ARID1B: variants seen among roughly 807,000 people sequenced by gnomAD.
ARID1B encodes AT-rich interactive domain-containing protein 1B.
A neutral mutation model predicts 212.3 loss-of-function variants in ARID1B; 30 were observed. The observed-to-expected ratio is 0.14, with a 90% CI of 0.11 to 0.19. ARID1B has a LOEUF of 0.19. Ranked by LOEUF, ARID1B falls within the 10% of genes least tolerant of loss-of-function variation. The pLI is 1.00. For missense variants in ARID1B, 2,891 were observed against 3,204.0 expected (o/e 0.90, Z 2.36); for synonymous variants, 1,402 against 1,301.7 (o/e 1.08, Z -1.66).
intron 4 of ARID1B, among the ~76,000 whole-genome samples, chr6:157,084,026 A>T (rs1267873814): frequency 1.3e-5 from 2 of 151,134 alleles, no homozygotes; most frequent in African/African-American, 4.9e-5. Context: ...CCCAGCTACT[A>T]GGGAGGCTGA....
intron 2 of ARID1B, among the ~76,000 whole-genome samples, chr6:156,846,695 T>G (rs1203756322): frequency 1.3e-5 from 2 of 152,136 alleles, no homozygotes; most frequent in Non-Finnish European, 2.9e-5. Flanking sequence ...GGAGGCTGAC[T>G]GGGGGACGGG....
At chr6:157,077,358 G>A (rs1486514874) in intron 4 of ARID1B, among the ~76,000 whole-genome samples, 2 of 152,076 alleles carry the variant, frequency 1.3e-5, no homozygotes, top group African/African-American at 4.8e-5. Flanking sequence ...CTGGACCTCT[G>A]TGGCTCCCTG....
At chr6:157,084,559 A>G (rs1784841409) in intron 4 of ARID1B, 103 bp from the exon 5 acceptor site, 11 of 1,415,640 alleles carry the variant, frequency 7.8e-6, no homozygotes, top group Non-Finnish European at 9.5e-6. Context: ...TACCCAGAAA[A>G]CCTTCATCTC....
At chr6:156,782,004 T>G (rs1386491559) in intron 1 of ARID1B, among the ~76,000 whole-genome samples, 2 of 133,202 alleles carry the variant, frequency 1.5e-5, no homozygotes, top group Non-Finnish European at 1.6e-5. Context: ...TTTTTTTTTT[T>G]GTTGAGGTTG....
intron 2 of ARID1B, among the ~76,000 whole-genome samples, chr6:156,894,267 C>G (rs150443453): frequency 3.7e-5 from 1 of 26,864 alleles, no homozygotes; most frequent in East Asian, 1.6e-3. Context: ...TGGTGCTTGC[C>G]GGGGGTTGGG....
chr6:156,932,185 C>T (rs1465762203), intron 3 of ARID1B, among the ~76,000 whole-genome samples: 1 of 148,044 alleles, frequency 6.8e-6, no homozygotes, highest in Non-Finnish European at 1.5e-5. Flanking sequence ...CTGAAAATTT[C>T]TGAAACAAAT....
At chr6:157,068,178 C>T (rs761249916) in intron 4 of ARID1B, among the ~76,000 whole-genome samples, 2 of 152,190 alleles carry the variant, frequency 1.3e-5, no homozygotes, top group Admixed American at 6.5e-5. Context: ...AATCCGTTGC[C>T]TTATCAATTC....
At chr6:156,985,931 A>G (rs1023318641) in intron 4 of ARID1B, among the ~76,000 whole-genome samples, 1 of 152,206 alleles carries the variant, frequency 6.6e-6, no homozygotes, top group African/African-American at 2.4e-5. Flanking sequence ...GCTGAAGCAG[A>G]ACCTTTACTG....
chr6:157,065,978 C>A (rs752785456), intron 4 of ARID1B, among the ~76,000 whole-genome samples: 11 of 152,142 alleles, frequency 7.2e-5, no homozygotes, highest in Non-Finnish European at 1.6e-4. Context: ...CCCCAAAAGC[C>A]CTCTTATGCC....
chr6:156,921,432 T>G, intron 3 of ARID1B, among the ~76,000 whole-genome samples: 1 of 139,798 alleles, frequency 7.2e-6, no homozygotes, highest in African/African-American at 2.7e-5. Flanking sequence ...TAGCACTTGA[T>G]GGGAAAACAC....
intron 4 of ARID1B, among the ~76,000 whole-genome samples, chr6:157,025,201 T>C (rs967813649): frequency 6.6e-6 from 1 of 152,224 alleles, no homozygotes; most frequent in Non-Finnish European, 1.5e-5. Context: ...AATGTAAAAT[T>C]TAACTCTATA....
intron 5 of ARID1B, among the ~76,000 whole-genome samples, chr6:157,085,973 C>G (rs1008424081): frequency 2.6e-5 from 4 of 151,738 alleles, no homozygotes; most frequent in Non-Finnish European, 5.9e-5. Context: ...GGGTTTTTTT[C>G]TAAGAATTTT....
At chr6:156,819,621 C>T (rs1782215313) in intron 1 of ARID1B, among the ~76,000 whole-genome samples, 1 of 152,192 alleles carries the variant, frequency 6.6e-6, no homozygotes, top group Non-Finnish European at 1.5e-5. Flanking sequence ...TGGACTTATT[C>T]TGTAGCACCT....
Position 157,176,263 on chromosome 6 carries a change from C to T in ARID1B, c.3504+1258C>T, listed in dbSNP as rs79647806. ...TCTAGGATGGGTATAGCAGACAGTG[C>T]GCTTCTAGGAGGGGTGCATCCGAAC... On this transcript the variant is annotated intron_variant, in intron 11 of 19. Coordinates refer to ENST00000636930, the MANE Select transcript of ARID1B (RefSeq NM_001374828.1). Among the ~76,000 whole-genome samples, 863 of 152,264 alleles carry T rather than the reference C, an allele frequency of 5.7e-3. 39 individuals carry two copies. The East Asian group carries it at 0.13, about 24-fold the overall frequency.
At chr6:156,883,644 A>G (rs183664118) in intron 2 of ARID1B, among the ~76,000 whole-genome samples, 85 of 152,056 alleles carry the variant, frequency 5.6e-4, no homozygotes, top group African/African-American at 1.9e-3. Context: ...TCACTCTCCG[A>G]TCCTCACCTC....
chr6:157,195,484 A>G (rs1021162680), intron 15 of ARID1B: 1 of 152,270 alleles, frequency 6.6e-6, no homozygotes, highest in African/African-American at 2.4e-5. Flanking sequence ...TTAAAGGGCT[A>G]CCTGGACAAT....
intron 4 of ARID1B, among the ~76,000 whole-genome samples, chr6:157,078,237 T>A (rs1426618437): frequency 6.6e-6 from 1 of 152,146 alleles, no homozygotes; most frequent in African/African-American, 2.4e-5. Context: ...CGGCCCTTGA[T>A]CAGTGGTGGT....
intron 4 of ARID1B, among the ~76,000 whole-genome samples, chr6:156,973,124 TAG>T (rs1777031772): frequency 6.6e-6 from 1 of 152,246 alleles, no homozygotes; most frequent in South Asian, 2.1e-4. Context: ...CAGTAGGCAC[TAG>T]CTACTTGTGG....
At chr6:157,118,187 T>G (rs1787457960) in intron 6 of ARID1B, among the ~76,000 whole-genome samples, 1 of 152,218 alleles carries the variant, frequency 6.6e-6, no homozygotes, top group African/African-American at 2.4e-5. Flanking sequence ...AGTACTGAAA[T>G]GAAGGAGACC....
Sources: allele counts gnomAD v4.1 joint callset (sites outside exome capture counted in the v4.1 genomes callset), GRCh38; gene constraint gnomAD v4.1.1; transcripts MANE v1.5; gene names NCBI Gene and HGNC (gene_info 2026-07-23, HGNC 2026-07-21).